The following WDR64 variants were observed in gnomAD, a reference collection of about 807,000 sequenced individuals.
WDR64 encodes the protein WD repeat domain 64.
A neutral mutation model predicts 139.3 loss-of-function variants in WDR64; 112 were observed. That is an observed-to-expected ratio of 0.80 (90% CI 0.69 to 0.94). The LOEUF is 0.94. Among genes scored for constraint, WDR64 ranks in the 40% least tolerant of loss-of-function variants. The pLI, the probability that WDR64 is intolerant of heterozygous loss-of-function variation, is 0.00. For missense variants in WDR64, 1,206 were observed against 1,293.1 expected (o/e 0.93, Z 1.03); for synonymous variants, 444 against 437.7 (o/e 1.01, Z -0.18).
intron 8 of WDR64, among the ~76,000 whole-genome samples, chr1:241,690,513 A>C (rs1489418343): frequency 6.6e-6 from 1 of 152,086 alleles, no homozygotes; most frequent in Non-Finnish European, 1.5e-5. Flanking sequence ...GGAAAAAAAC[A>C]ACTTATCTGT....
At chr1:241,672,741 G>T (rs536695011) in intron 3 of WDR64, among the ~76,000 whole-genome samples, 3 of 152,224 alleles carry the variant, frequency 2.0e-5, no homozygotes, top group African/African-American at 7.2e-5. Flanking sequence ...GAGCATGGTG[G>T]TTGATGGGGT....
chr1:241,653,969 G>A (rs1665474351), intron 1 of WDR64, among the ~76,000 whole-genome samples: 2 of 152,150 alleles, frequency 1.3e-5, no homozygotes, highest in Non-Finnish European at 2.9e-5. Context: ...TTCCTAGTCA[G>A]TTTGTTTTAC....
intron 4 of WDR64, 139 bp downstream of exon 4, chr1:241,674,886 C>CT (rs1666417416): frequency 8.1e-6 from 1 of 123,962 alleles, no homozygotes; most frequent in Non-Finnish European, 1.6e-5. Flanking sequence ...TTCTTTCCTT[C>CT]TTGCTTTTAT....
chr1:241,766,206 T>C lies in WDR64; in HGVS notation c.1948-12T>C. The C allele has an allele frequency of 1.9e-6, 3 of 1,613,068 alleles. No individual in the cohort carries two copies. Among genetic ancestry groups the C allele is most frequent in the Non-Finnish European group, 2.5e-6 (3 of 1,179,382 alleles). ...ACTATATTTATGGTGTTCTGTTTCCTTCGTTCTTCAGAATCCCACCATGGA... is the reference window on the plus strand; with the variant it reads ...ACTATATTTATGGTGTTCTGTTTCCCTCGTTCTTCAGAATCCCACCATGGA... On this transcript the variant is annotated splice_polypyrimidine_tract_variant and intron_variant, in intron 15 of 27. Coordinates refer to ENST00000437684, the MANE Select transcript of WDR64 (RefSeq NM_001367482.1).
intron 27 of WDR64, among the ~76,000 whole-genome samples, chr1:241,796,680 G>C (rs1207831507): frequency 2.0e-5 from 3 of 152,056 alleles, no homozygotes; most frequent in Non-Finnish European, 4.4e-5. Flanking sequence ...TTTTAGTAGA[G>C]ATGGGGTTTC....
chr1:241,799,311 A>C (rs559389087), intron 27 of WDR64, among the ~76,000 whole-genome samples: 1 of 151,024 alleles, frequency 6.6e-6, no homozygotes, highest in East Asian at 1.9e-4. Flanking sequence ...TGGAAAGTGG[A>C]CGTTGCAGTG....
intron 1 of WDR64, among the ~76,000 whole-genome samples, chr1:241,655,523 C>A (rs138012127): frequency 1.3e-5 from 2 of 152,270 alleles, no homozygotes; most frequent in East Asian, 3.9e-4. Flanking sequence ...TCCACATATA[C>A]TAACAAAGCA....
intron 8 of WDR64, among the ~76,000 whole-genome samples, chr1:241,704,114 A>G (rs965806747): frequency 2.6e-5 from 4 of 152,168 alleles, no homozygotes; most frequent in African/African-American, 9.7e-5. Context: ...CACATTGTAC[A>G]CGAAACTGTG....
rs181242803 is a variant in WDR64, at chr1:241,791,159, G to A, written c.2997+463G>A. ...AAATCTGCCAGGCATGGTGATAAGCGCCTGTAGTCCCAGCTACTCAGGAGG... is the reference window on the plus strand; with the variant it reads ...AAATCTGCCAGGCATGGTGATAAGCACCTGTAGTCCCAGCTACTCAGGAGG... On this transcript the variant is annotated intron_variant, in intron 25 of 27. Coordinates refer to ENST00000437684, the MANE Select transcript of WDR64 (RefSeq NM_001367482.1). Among the ~76,000 whole-genome samples the A allele has an allele frequency of 3.3e-5, 5 of 152,132 alleles. No individual in the cohort carries two copies. In the East Asian group the frequency reaches 7.7e-4, roughly 24 times the overall value.
intron 7 of WDR64, 33 bp from the exon 8 acceptor site, chr1:241,687,428 C>T (rs1314866873): frequency 6.8e-6 from 11 of 1,606,074 alleles, no homozygotes; most frequent in Non-Finnish European, 9.4e-6. Context: ...GTGTGTCTAA[C>T]ATAAATCTCC....
In WDR64 at chr1:241,723,346, A is replaced by G. The variant is rs757647140; in HGVS notation, c.1104A>G (p.Pro368=). Residue 368 remains proline (P), a synonymous_variant, in exon 10 of 28, where the codon CCA becomes CCG. Transcript: ENST00000437684. ...RLWHPNISTK[P]VGKLVGHMFS... ...GGCACCCCAATATCAGCACCAAGCC[A>G]GTAGGGAAACTTGTAGGACACATGT... The G allele has an allele frequency of 6.2e-7, 1 of 1,614,092 alleles. No individual in the cohort carries two copies. The highest frequency in any genetic ancestry group is 1.1e-5 in the South Asian group (1 of 91,060).
intron 9 of WDR64, among the ~76,000 whole-genome samples, chr1:241,721,581 C>T (rs1380756840): frequency 2.0e-5 from 3 of 151,318 alleles, no homozygotes; most frequent in Non-Finnish European, 4.4e-5. Context: ...ATTAAAATTA[C>T]TTAATCTTTG....
At chr1:241,792,098 C>T (rs1659229717) in intron 25 of WDR64, among the ~76,000 whole-genome samples, 1 of 152,162 alleles carries the variant, frequency 6.6e-6, no homozygotes. Context: ...GTTACCCCAC[C>T]CTCTACAAAT....
intron 9 of WDR64, among the ~76,000 whole-genome samples, chr1:241,715,229 A>G (rs1221372045): frequency 6.6e-6 from 1 of 152,208 alleles, no homozygotes; most frequent in African/African-American, 2.4e-5. Context: ...TCTCTCAACC[A>G]AACTAATTAC....
intron 8 of WDR64, among the ~76,000 whole-genome samples, chr1:241,694,032 T>C (rs773497769): frequency 7.9e-5 from 12 of 151,990 alleles, no homozygotes; most frequent in Non-Finnish European, 1.3e-4. Flanking sequence ...CTAGGAAAAA[T>C]GGTGAGTAGC....
At chr1:241,742,378 G>A (rs1669581154) in intron 12 of WDR64, among the ~76,000 whole-genome samples, 2 of 152,196 alleles carry the variant, frequency 1.3e-5, no homozygotes, top group African/African-American at 2.4e-5. Context: ...GTCACAGAGT[G>A]AGACAGGAGG....
intron 15 of WDR64, among the ~76,000 whole-genome samples, chr1:241,763,279 A>G (rs61827081): frequency 0.15 from 22,923 of 152,260 alleles, 1,927 homozygotes; most frequent in African/African-American, 0.19. Flanking sequence ...AACTATTGAA[A>G]CACAATAAAG....
chr1:241,769,336 A>G lies in WDR64; in HGVS notation c.2082-68A>G, dbSNP rs929150219. 5 of 1,248,106 alleles carry G rather than the reference A, an allele frequency of 4.0e-6. No homozygotes were observed. The African/African-American group carries it at 7.5e-5, about 19-fold the overall frequency. 77.3% of individuals were successfully genotyped at this position (1,248,106 alleles called of 1,614,324 possible). ...AATTGCCTAGCTCTGCAGAGGATAT[A>G]CAATCTTAGTACTGTAAGCTCCATA... On this transcript the variant is annotated intron_variant, in intron 16 of 27. Transcript: ENST00000437684.
At chr1:241,745,711 G>A (rs763297585) in intron 13 of WDR64, among the ~76,000 whole-genome samples, 10 of 152,022 alleles carry the variant, frequency 6.6e-5, no homozygotes, top group Non-Finnish European at 1.3e-4. Flanking sequence ...TTGGCCTCCC[G>A]AGTTGCTGGG....
Sources: gnomAD v4.1 joint callset for allele counts (sites outside exome capture counted in the v4.1 genomes callset) on GRCh38, gnomAD v4.1.1 for gene constraint, MANE v1.5 for transcripts, NCBI Gene and HGNC (gene_info 2026-07-23, HGNC 2026-07-21) for gene names.